Variants in KDM4C observed in about 807,000 individuals in gnomAD.
The protein encoded by KDM4C is lysine-specific demethylase 4C.
A neutral mutation model predicts 129.3 loss-of-function variants in KDM4C; 81 were observed. The ratio of observed to expected loss-of-function variants is 0.63; its 90% CI spans 0.52 to 0.75. KDM4C has a LOEUF of 0.75. Among genes scored for constraint, KDM4C ranks in the 30% least tolerant of loss-of-function variants. The pLI is 0.00. For missense variants in KDM4C, 1,457 were observed against 1,304.0 expected, an observed-to-expected ratio of 1.12 and a Z score of -1.81; for synonymous variants, 573 against 456.1, an observed-to-expected ratio of 1.26 and a Z score of -3.26.
At chr9:6,998,102 G>A (rs1820094406) in intron 12 of KDM4C, among the ~76,000 whole-genome samples, 1 of 152,164 alleles carries the variant, frequency 6.6e-6, no homozygotes, top group African/African-American at 2.4e-5. Context: ...TTCAGCAAGT[G>A]CACTACTGTA....
intron 4 of KDM4C, among the ~76,000 whole-genome samples, chr9:6,825,804 T>A (rs116344608): frequency 0.014 from 2,159 of 152,314 alleles, 45 homozygotes; most frequent in African/African-American, 0.05. Context: ...CAAATCTTTT[T>A]TTTATTTATT....
intron 5 of KDM4C, among the ~76,000 whole-genome samples, chr9:6,865,208 C>T (rs991924971): frequency 6.6e-6 from 1 of 152,020 alleles, no homozygotes; most frequent in African/African-American, 2.4e-5. Flanking sequence ...CGGGGTTTCA[C>T]CGTGTTTGCC....
intron 17 of KDM4C, among the ~76,000 whole-genome samples, chr9:7,055,175 T>G (rs181916375): frequency 6.6e-6 from 1 of 152,296 alleles, no homozygotes; most frequent in Non-Finnish European, 1.5e-5. Context: ...AGGCTACGTC[T>G]CAAAAAACAA....
chr9:6,884,341 G>A (rs972560019), intron 6 of KDM4C, among the ~76,000 whole-genome samples: 17 of 152,168 alleles, frequency 1.1e-4, no homozygotes, highest in Admixed American at 8.5e-4. Flanking sequence ...ATACAATGTA[G>A]GTCATTGGTT....
chr9:6,797,474 T>A (rs1177063704), intron 2 of KDM4C, among the ~76,000 whole-genome samples: 1 of 152,212 alleles, frequency 6.6e-6, no homozygotes, highest in African/African-American at 2.4e-5. Flanking sequence ...GTTTGACACT[T>A]TGACTGTCTA....
intron 15 of KDM4C, among the ~76,000 whole-genome samples, chr9:7,039,479 TTAAAATACAGCTGACCC>T (rs1828197636): frequency 6.6e-6 from 1 of 152,008 alleles, no homozygotes; most frequent in Admixed American, 6.6e-5. Context: ...TAAAAACTTA[TTAAAATACAGCTGACCC>T]TTGACCAACA....
upstream of KDM4C, among the ~76,000 whole-genome samples, chr9:6,755,081 C>T (rs956730187): frequency 6.6e-6 from 1 of 151,268 alleles, no homozygotes; most frequent in Non-Finnish European, 1.5e-5. Flanking sequence ...ACAAAAAATA[C>T]AAAAATTAGG....
chr9:6,726,858 C>T (rs541096998), intron 1 of KDM4C: 1 of 152,306 alleles, frequency 6.6e-6, no homozygotes, highest in East Asian at 1.9e-4. Context: ...CCTTCAGCCT[C>T]CTGAGTAGCT....
intron 8 of KDM4C, among the ~76,000 whole-genome samples, chr9:6,974,481 C>T (rs1832599310): frequency 6.6e-6 from 1 of 152,114 alleles, no homozygotes; most frequent in Non-Finnish European, 1.5e-5. Flanking sequence ...TGCCTGTTTC[C>T]CGAGTAGCTG....
intron 4 of KDM4C, among the ~76,000 whole-genome samples, chr9:6,818,259 C>G (rs952631579): frequency 2.6e-5 from 4 of 152,192 alleles, no homozygotes; most frequent in African/African-American, 9.6e-5. Context: ...TTAGCACAAG[C>G]CACATCTAGA....
At chr9:6,784,934 T>C (rs1699690082) in intron 1 of KDM4C, among the ~76,000 whole-genome samples, 2 of 152,184 alleles carry the variant, frequency 1.3e-5, no homozygotes, top group African/African-American at 2.4e-5. Context: ...TTTAGAACCA[T>C]TTGAGAAGGA....
chr9:6,846,172 T>C (rs963622085), intron 4 of KDM4C, among the ~76,000 whole-genome samples: 1 of 152,162 alleles, frequency 6.6e-6, no homozygotes, highest in East Asian at 1.9e-4. Context: ...GGATGATATG[T>C]TGTGTTTTGA....
intron 15 of KDM4C, among the ~76,000 whole-genome samples, chr9:7,040,038 AT>A (rs1367877042): frequency 6.6e-6 from 1 of 152,074 alleles, no homozygotes; most frequent in Admixed American, 6.6e-5. Flanking sequence ...ATACTGGGAA[AT>A]TTTTAGAGGC....
At chr9:6,776,545 A>G (rs905642879) in intron 1 of KDM4C, among the ~76,000 whole-genome samples, 1 of 139,390 alleles carries the variant, frequency 7.2e-6, no homozygotes, top group Non-Finnish European at 1.6e-5. Context: ...CAGCCTCAAC[A>G]CATCTTTCTT....
At chr9:6,913,930 ACAGT>A (rs1819810314) in intron 8 of KDM4C, among the ~76,000 whole-genome samples, 1 of 152,208 alleles carries the variant, frequency 6.6e-6, no homozygotes, top group Non-Finnish European at 1.5e-5. Flanking sequence ...GAATGAGCTA[ACAGT>A]CAGGGTTTAA....
intron 1 of KDM4C, among the ~76,000 whole-genome samples, chr9:6,766,680 G>A (rs1463875666): frequency 2.0e-5 from 3 of 152,170 alleles, no homozygotes; most frequent in Non-Finnish European, 4.4e-5. Context: ...TTTCTAGAAA[G>A]TCTCGGTCCC....
intron 12 of KDM4C, among the ~76,000 whole-genome samples, chr9:7,002,135 C>T (rs141689554): frequency 6.6e-6 from 1 of 152,182 alleles, no homozygotes; most frequent in East Asian, 1.9e-4. Context: ...TCAAGTGATC[C>T]TCCTGCCTTG....
Position 7,013,861 on chromosome 9 carries a change from A to G in KDM4C, c.2042A>G (p.Lys681Arg), listed in dbSNP as rs1339163672. ...GATGAAGTCGTTACATCGGAGGGAA[A>G]GACTAAGCCCCTCATACCAGAGATG... is the stretch of plus-strand genomic sequence containing the variant. ...KLDEVVTSEG[K>R]TKPLIPEMCF... Residue 681 changes from lysine (K) to arginine (R), a missense_variant, in exon 14 of 22, where the codon AAG becomes AGG. Transcript: ENST00000381309. 6.2e-7 allele frequency: 1 copy of G among 1,613,934 alleles called. No individual in the cohort carries two copies. Among genetic ancestry groups the G allele is most frequent in the African/African-American group, 1.3e-5 (1 of 74,938 alleles).
intron 14 of KDM4C, among the ~76,000 whole-genome samples, chr9:7,014,608 G>A (rs966337516): frequency 6.6e-6 from 1 of 152,186 alleles, no homozygotes; most frequent in Non-Finnish European, 1.5e-5. Flanking sequence ...CTATGTAAAA[G>A]GGATCTCATA....
Sources: allele counts gnomAD v4.1 joint callset (sites outside exome capture counted in the v4.1 genomes callset), GRCh38; gene constraint gnomAD v4.1.1; transcripts MANE v1.5; gene names NCBI Gene and HGNC (gene_info 2026-07-23, HGNC 2026-07-21).